CACNA2D3: variants seen among roughly 807,000 people sequenced by gnomAD.
CACNA2D3 encodes the protein calcium voltage-gated channel auxiliary subunit alpha2delta 3.
CACNA2D3 carries 60 observed loss-of-function variants against 160.6 expected under a neutral mutation model. The ratio of observed to expected loss-of-function variants is 0.37; its 90% CI spans 0.30 to 0.46. CACNA2D3 has a LOEUF of 0.46. CACNA2D3 is among the 20% of genes least tolerant of loss of function. The probability of loss-of-function intolerance (pLI) is 1.00; values close to 1 mark genes in which losing one functional copy is unlikely to be tolerated. For synonymous variants in CACNA2D3, 558 were observed against 492.9 expected (o/e 1.13, Z -1.75); for missense variants, 1,205 against 1,365.0 (o/e 0.88, Z 1.85).
At chr3:54,582,713 C>T (rs1023008280) in intron 9 of CACNA2D3, among the ~76,000 whole-genome samples, 4 of 152,158 alleles carry the variant, frequency 2.6e-5, no homozygotes, top group African/African-American at 9.7e-5. Context: ...TAGCTGGGGG[C>T]AATGGCCAAG....
chr3:54,759,998 A>T lies in CACNA2D3; in HGVS notation c.1247-4220A>T, dbSNP rs1007412460. On this transcript the variant is annotated intron_variant, in intron 12 of 37. Coordinates refer to ENST00000474759, the MANE Select transcript of CACNA2D3 (RefSeq NM_018398.3). ...CATGCAGAAAGGCAAGGTGGATCTC[A>T]GTAAGACCTCAGTGAATGTTCCCAC... 5.3e-5 allele frequency among the ~76,000 whole-genome samples: 8 copies of T among 152,350 alleles called. No individual in the cohort carries two copies. The South Asian group carries it at 1.4e-3, about 28-fold the overall frequency.
intron 27 of CACNA2D3, among the ~76,000 whole-genome samples, chr3:54,902,322 C>G (rs1307345089): frequency 6.6e-6 from 1 of 152,044 alleles, no homozygotes; most frequent in Non-Finnish European, 1.5e-5. Context: ...TTGTTTTATT[C>G]TCTTCTTTCT....
At chr3:54,227,105 C>T (rs774638946) in intron 2 of CACNA2D3, among the ~76,000 whole-genome samples, 17 of 152,162 alleles carry the variant, frequency 1.1e-4, no homozygotes, top group Non-Finnish European at 2.5e-4. Flanking sequence ...GATGGCAGAA[C>T]ATGTTGATAC....
intron 31 of CACNA2D3, among the ~76,000 whole-genome samples, chr3:54,994,333 C>T (rs1702809537): frequency 6.6e-6 from 1 of 152,116 alleles, no homozygotes; most frequent in Non-Finnish European, 1.5e-5. Flanking sequence ...TGCCGACTGC[C>T]CCGCTGATGT....
chr3:54,141,094 C>CGTGCGCGCACGT (rs1553731352), intron 2 of CACNA2D3, among the ~76,000 whole-genome samples: 4 of 81,892 alleles, frequency 4.9e-5, no homozygotes, highest in Admixed American at 4.4e-4. Context: ...TGTGCGCGCG[C>CGTGCGCGCACGT]GCGCGTGTGT....
At chr3:54,123,435 A>T in intron 1 of CACNA2D3, 78 bp from the exon 2 acceptor site, 1 of 931,284 alleles carries the variant, frequency 1.1e-6, no homozygotes, top group Non-Finnish European at 1.8e-6. Context: ...CCATAGTCCC[A>T]TGTGTGCGTG....
intron 35 of CACNA2D3, among the ~76,000 whole-genome samples, chr3:55,036,267 T>C (rs1703813972): frequency 6.6e-6 from 1 of 151,710 alleles, no homozygotes; most frequent in Non-Finnish European, 1.5e-5. Context: ...GCCAACATGG[T>C]GAAACTCTGT....
chr3:54,213,474 A>C (rs1701412231), intron 2 of CACNA2D3, among the ~76,000 whole-genome samples: 1 of 152,214 alleles, frequency 6.6e-6, no homozygotes, highest in African/African-American at 2.4e-5. Flanking sequence ...GTTGCGGCTC[A>C]TCGTCCTTTA....
intron 29 of CACNA2D3, among the ~76,000 whole-genome samples, chr3:54,983,592 G>T (rs555443759): frequency 2.2e-4 from 34 of 152,242 alleles, no homozygotes; most frequent in Non-Finnish European, 3.4e-4. Context: ...TGCTAGCAGG[G>T]CTTTTAATTT....
At position 54,736,046 on chromosome 3, in the gene CACNA2D3, C is replaced by CAT. The variant is rs1187456049; in HGVS notation, c.1168-16552_1168-16551insTA. 4.6e-4 allele frequency among the ~76,000 whole-genome samples: 33 copies of CAT among 71,446 alleles called. 1 individual carries two copies. Among genetic ancestry groups the CAT allele is most frequent in the East Asian group, 1.3e-3 (4 of 2,980 alleles). The allele number at this position is 71,446 out of a possible 152,430, so 46.9% of individuals were successfully genotyped here. On this transcript the variant is annotated intron_variant, in intron 11 of 37. Coordinates refer to ENST00000474759, the MANE Select transcript of CACNA2D3 (RefSeq NM_018398.3). ...ATACATATATATATGTATATATATA[C>CAT]ACATACATATGTATGTATATATATA...
chr3:54,152,782 G>T (rs1700175697), intron 2 of CACNA2D3, among the ~76,000 whole-genome samples: 1 of 152,182 alleles, frequency 6.6e-6, no homozygotes, highest in African/African-American at 2.4e-5. Flanking sequence ...AATACCAGAA[G>T]AATTTGTATT....
At chr3:55,021,940 C>T (rs1198460845) in intron 35 of CACNA2D3, among the ~76,000 whole-genome samples, 2 of 151,818 alleles carry the variant, frequency 1.3e-5, no homozygotes, top group Non-Finnish European at 2.9e-5. Context: ...AGTCCTTGTC[C>T]ACATGTTTTT....
intron 35 of CACNA2D3, among the ~76,000 whole-genome samples, chr3:55,072,558 T>TTAAG (rs1704834868): frequency 6.6e-6 from 1 of 152,240 alleles, no homozygotes; most frequent in Non-Finnish European, 1.5e-5. Flanking sequence ...TTTCCATTTG[T>TTAAG]TAAGTTAAAA....
At chr3:54,868,322 G>A (rs1046198343) in intron 17 of CACNA2D3, among the ~76,000 whole-genome samples, 17 of 152,104 alleles carry the variant, frequency 1.1e-4, no homozygotes, top group African/African-American at 3.6e-4. Flanking sequence ...TTGTAGAAGG[G>A]CATTCTTAAA....
chr3:54,858,440 T>C (rs1699217123), intron 17 of CACNA2D3, among the ~76,000 whole-genome samples: 1 of 152,192 alleles, frequency 6.6e-6, no homozygotes, highest in Non-Finnish European at 1.5e-5. Context: ...TGAAACACTC[T>C]CCTCTTCCAT....
intron 2 of CACNA2D3, among the ~76,000 whole-genome samples, chr3:54,298,798 G>A (rs1575379694): frequency 7.1e-6 from 1 of 140,906 alleles, no homozygotes; most frequent in East Asian, 2.2e-4. Flanking sequence ...GAAAGTGGAG[G>A]CCAGGTGGCT....
At chr3:54,532,803 T>C (rs574468569) in intron 5 of CACNA2D3, among the ~76,000 whole-genome samples, 1 of 152,198 alleles carries the variant, frequency 6.6e-6, no homozygotes, top group Non-Finnish European at 1.5e-5. Context: ...TTCTTTTCCT[T>C]TGGGTGTGTA....
chr3:54,131,950 A>G (rs951848825), intron 2 of CACNA2D3, among the ~76,000 whole-genome samples: 4 of 152,202 alleles, frequency 2.6e-5, no homozygotes, highest in African/African-American at 9.6e-5. Flanking sequence ...TTTCCATTGT[A>G]TTGTTTGAGG....
chr3:54,548,973 T>C (rs1312026532), intron 5 of CACNA2D3, among the ~76,000 whole-genome samples: 2 of 152,170 alleles, frequency 1.3e-5, no homozygotes, highest in Non-Finnish European at 2.9e-5. Flanking sequence ...CAGCACGTAA[T>C]GCAAATTCCA....
Sources: gnomAD v4.1 joint callset for allele counts (sites outside exome capture counted in the v4.1 genomes callset) on GRCh38, gnomAD v4.1.1 for gene constraint, MANE v1.5 for transcripts, NCBI Gene and HGNC (gene_info 2026-07-23, HGNC 2026-07-21) for gene names.